S100Z: variants seen among roughly 807,000 people sequenced by gnomAD.
S100Z encodes the protein protein S100-Z.
Under a neutral mutation model 8.5 loss-of-function variants are expected in S100Z, and 11 were observed. The ratio of observed to expected loss-of-function variants is 1.30; its 90% confidence interval spans 0.82 to 2.15. The LOEUF is 2.15. Among genes scored for constraint, S100Z ranks in the 30% most tolerant of loss-of-function variants. The probability of loss-of-function intolerance (pLI) is 0.00; values close to 1 mark genes in which losing one functional copy is unlikely to be tolerated. For synonymous variants in S100Z, 34 were observed against 43.8 expected (o/e 0.78, Z 0.89); for missense variants, 126 against 117.9 (o/e 1.07, Z -0.32).
At chr5:76,946,391 C>T in the S100Z span, among the ~76,000 whole-genome samples, 110 of 152,140 alleles carry the variant, frequency 7.2e-4, no homozygotes, top group African/African-American at 2.6e-3. Context: ...CTTCCAGTTC[C>T]CCCTTTCTTC....
intron 4 of S100Z, among the ~76,000 whole-genome samples, chr5:76,909,104 G>A (rs1228277444): frequency 2.0e-5 from 3 of 152,150 alleles, no homozygotes; most frequent in African/African-American, 7.2e-5. Context: ...TGGACAAGAG[G>A]TGTTTTCGGC....
chr5:76,936,213 T>C, the S100Z span, among the ~76,000 whole-genome samples: 2 of 152,082 alleles, frequency 1.3e-5, no homozygotes, highest in Non-Finnish European at 2.9e-5. Flanking sequence ...TGTGTGCCCA[T>C]TTAAATGATG....
chr5:76,947,582 G>A, the S100Z span, among the ~76,000 whole-genome samples: 2 of 152,072 alleles, frequency 1.3e-5, no homozygotes, highest in Non-Finnish European at 2.9e-5. Context: ...AAGAAACAAA[G>A]CACGAGGCAC....
chr5:76,863,376 A>C (rs1751122013), intron 1 of S100Z, among the ~76,000 whole-genome samples: 1 of 152,220 alleles, frequency 6.6e-6, no homozygotes, highest in African/African-American at 2.4e-5. Context: ...GGGAACTTCA[A>C]GGTCATTTAG....
chr5:76,902,860 A>C (rs1469802467), intron 4 of S100Z, among the ~76,000 whole-genome samples: 2 of 152,176 alleles, frequency 1.3e-5, no homozygotes, highest in Non-Finnish European at 2.9e-5. Flanking sequence ...GATAATTTTT[A>C]AAACAAACAT....
intron 2 of S100Z, among the ~76,000 whole-genome samples, chr5:76,871,828 G>A (rs567755248): frequency 4.6e-5 from 7 of 152,242 alleles, no homozygotes; most frequent in East Asian, 1.9e-4. Context: ...GGCCCTGCCC[G>A]AAAATCTTTG....
downstream of S100Z, among the ~76,000 whole-genome samples, chr5:76,923,349 C>T (rs1387867751): frequency 2.6e-5 from 4 of 152,188 alleles, no homozygotes; most frequent in African/African-American, 9.7e-5. Flanking sequence ...TCCTCTATCA[C>T]CTATATCTCC....
intron 3 of S100Z, among the ~76,000 whole-genome samples, chr5:76,876,467 C>T (rs889214938): frequency 1.3e-5 from 2 of 151,546 alleles, no homozygotes; most frequent in African/African-American, 4.9e-5. Context: ...CTCCCAGGTT[C>T]GAGTGATTCT....
chr5:76,918,629 C>G (rs891268391), intron 4 of S100Z, among the ~76,000 whole-genome samples: 9 of 152,322 alleles, frequency 5.9e-5, no homozygotes, highest in African/African-American at 1.9e-4. Flanking sequence ...GCACCGACTT[C>G]CCCATTATCA....
chr5:76,909,158 G>A (rs2150678195), intron 4 of S100Z, among the ~76,000 whole-genome samples: 1 of 152,200 alleles, frequency 6.6e-6, no homozygotes, highest in South Asian at 2.1e-4. Flanking sequence ...CAGGCTCCAG[G>A]GACCGTTACG....
intron 4 of S100Z, among the ~76,000 whole-genome samples, chr5:76,896,739 G>T (rs1482329155): frequency 6.6e-6 from 1 of 152,022 alleles, no homozygotes; most frequent in Non-Finnish European, 1.5e-5. Flanking sequence ...TTTAACCCGG[G>T]GTGAGATAAT....
At chr5:76,934,553 G>A in the S100Z span, among the ~76,000 whole-genome samples, 2 of 152,178 alleles carry the variant, frequency 1.3e-5, no homozygotes, top group African/African-American at 4.8e-5. Flanking sequence ...GCCCTTGGGA[G>A]GTGACTAAAT....
intron 2 of S100Z, among the ~76,000 whole-genome samples, 159 bp downstream of exon 2, chr5:76,870,443 T>G (rs559766901): frequency 6.6e-6 from 1 of 152,322 alleles, no homozygotes; most frequent in Admixed American, 6.5e-5. Context: ...TGACTTTGCA[T>G]GTAGTGAACC....
chr5:76,912,354 G>A (rs59079816), intron 4 of S100Z, among the ~76,000 whole-genome samples: 2,262 of 152,280 alleles, frequency 0.015, 58 homozygotes, highest in African/African-American at 0.052. Context: ...TATGCCACCC[G>A]AGATGATCTC....
the S100Z span, among the ~76,000 whole-genome samples, chr5:76,930,409 C>T: frequency 6.6e-6 from 1 of 152,134 alleles, no homozygotes; most frequent in Non-Finnish European, 1.5e-5. Flanking sequence ...TCCCTAGGAA[C>T]ACAATAGAAC....
chr5:76,940,068 A>T, the S100Z span, among the ~76,000 whole-genome samples: 10 of 151,382 alleles, frequency 6.6e-5, no homozygotes, highest in Non-Finnish European at 1.3e-4. Context: ...GAGGCAGGAG[A>T]ATCACTTGAG....
chr5:76,948,482 C>CA, the S100Z span, among the ~76,000 whole-genome samples: 1 of 151,992 alleles, frequency 6.6e-6, no homozygotes, highest in East Asian at 1.9e-4. Flanking sequence ...TACAACTCAG[C>CA]AAAAAACCTA....
chr5:76,945,010 GA>G, the S100Z span, among the ~76,000 whole-genome samples: 926 of 152,288 alleles, frequency 6.1e-3, 10 homozygotes, highest in African/African-American at 0.021. Context: ...TGTAGAAAAG[GA>G]AGACATAAGA....
intron 4 of S100Z, among the ~76,000 whole-genome samples, chr5:76,910,412 G>A (rs1024724830): frequency 2.6e-5 from 4 of 152,284 alleles, no homozygotes; most frequent in Admixed American, 2.6e-4. Context: ...GGAAAAGTGA[G>A]ATCAGAGAAA....
Sources: gnomAD v4.1 joint callset for allele counts (sites outside exome capture counted in the v4.1 genomes callset) on GRCh38, gnomAD v4.1.1 for gene constraint, MANE v1.5 for transcripts, NCBI Gene and HGNC (gene_info 2026-07-23, HGNC 2026-07-21) for gene names.